The following BICDL1 variants were observed in gnomAD, a reference collection of about 807,000 sequenced individuals.
BICDL1 encodes BICD family like cargo adaptor 1.
In BICDL1, 20 loss-of-function variants were observed where a neutral mutation model predicts 76.8. That is an observed-to-expected ratio of 0.26 (90% CI 0.18 to 0.38). The LOEUF is 0.38. BICDL1 is among the 10% of genes least tolerant of loss of function. BICDL1 has a pLI of 1.00. For synonymous variants in BICDL1, 383 were observed against 337.1 expected (o/e 1.14, Z -1.49); for missense variants, 700 against 798.6 (o/e 0.88, Z 1.49).
At position 120,089,971 on chromosome 12, in the gene BICDL1, A is replaced by G. The variant is rs778764789; in HGVS notation, c.1604A>G (p.Glu535Gly). 1 of 1,614,130 alleles carries G rather than the reference A, an allele frequency of 6.2e-7. No individual in the cohort carries two copies. Among genetic ancestry groups the G allele is most frequent in the South Asian group, 1.1e-5 (1 of 91,088 alleles). ...AIAKKNAVEL[E>G]LAKCRMDMMS... ...CTCAGGAAGAATGCTGTGGAGCTGG[A>G]ACTTGCCAAGTGCAGGATGGATATG... Residue 535 changes from glutamate (E) to glycine (G), a missense_variant, in exon 9 of 10, where the codon GAA becomes GGA. Glu to Gly is a moderately conservative substitution (Grantham distance 98). Around this residue, in one of 3 missense-constraint regions of BICDL1, gnomAD observed 455 missense variants for 548.7 expected, o/e 0.83. Coordinates refer to ENST00000548673, the MANE Select transcript of BICDL1 (RefSeq NM_001367886.1).
intron 8 of BICDL1, among the ~76,000 whole-genome samples, chr12:120,082,209 T>C (rs1187510337): frequency 6.6e-6 from 1 of 152,222 alleles, no homozygotes; most frequent in Non-Finnish European, 1.5e-5. Context: ...TTGCATCCCA[T>C]AGCATCATTT....
At position 120,014,824 on chromosome 12, in the gene BICDL1, A is replaced by G. The variant is rs1594116230; in HGVS notation, c.645+16088A>G. On this transcript the variant is annotated intron_variant, in intron 2 of 9. Coordinates refer to ENST00000548673, the MANE Select transcript of BICDL1 (RefSeq NM_001367886.1). ...CCCTGGGCAACATGGTGAGACTCCCATCTCTAAAAAAAAATTAAAAAATAA... is the reference window on the plus strand; with the variant it reads ...CCCTGGGCAACATGGTGAGACTCCCGTCTCTAAAAAAAAATTAAAAAATAA... Among the ~76,000 whole-genome samples, 5 of 152,190 alleles carry G rather than the reference A, an allele frequency of 3.3e-5. No homozygotes were observed. The South Asian group carries it at 1.0e-3, about 32-fold the overall frequency.
intron 2 of BICDL1, among the ~76,000 whole-genome samples, chr12:120,011,756 A>G (rs10849735): frequency 0.22 from 33,319 of 152,082 alleles, 3,929 homozygotes; most frequent in East Asian, 0.4. Flanking sequence ...TTTACATAAT[A>G]GAGGTTTTTT....
intron 2 of BICDL1, among the ~76,000 whole-genome samples, chr12:120,052,836 A>G (rs531410787): frequency 6.6e-5 from 10 of 152,284 alleles, no homozygotes; most frequent in East Asian, 1.9e-4. Flanking sequence ...GCAGGGCACA[A>G]TCTTGGCTCA....
At chr12:120,051,380 A>G (rs1368583072) in intron 2 of BICDL1, among the ~76,000 whole-genome samples, 1 of 152,196 alleles carries the variant, frequency 6.6e-6, no homozygotes, top group Non-Finnish European at 1.5e-5. Flanking sequence ...ATTTCTCTAA[A>G]CATAGCAGCG....
intron 2 of BICDL1, among the ~76,000 whole-genome samples, chr12:120,016,018 C>T (rs904925701): frequency 2.6e-5 from 4 of 152,136 alleles, no homozygotes; most frequent in African/African-American, 9.7e-5. Context: ...TTTCTGCTAC[C>T]CCAAAAAGTT....
chr12:120,006,374 T>C (rs575494891), intron 2 of BICDL1, among the ~76,000 whole-genome samples: 9 of 152,358 alleles, frequency 5.9e-5, no homozygotes, highest in East Asian at 1.9e-4. Context: ...CAAATACTTA[T>C]AATGTGCACC....
intron 2 of BICDL1, among the ~76,000 whole-genome samples, chr12:120,036,208 T>C (rs1386594806): frequency 6.6e-6 from 1 of 152,204 alleles, no homozygotes; most frequent in Non-Finnish European, 1.5e-5. Flanking sequence ...CCTAGGGAAT[T>C]GCTGGGTATG....
chr12:120,056,731 G>T (rs557208428), intron 2 of BICDL1, among the ~76,000 whole-genome samples: 2 of 151,792 alleles, frequency 1.3e-5, no homozygotes, highest in East Asian at 3.9e-4. Flanking sequence ...AAAAAAAAAA[G>T]TGAAAGAGAA....
intron 2 of BICDL1, among the ~76,000 whole-genome samples, chr12:120,045,695 C>T (rs988236442): frequency 1.2e-4 from 18 of 147,734 alleles, no homozygotes; most frequent in African/African-American, 4.5e-4. Flanking sequence ...CGCATATTCT[C>T]ACTCATAGGT....
At chr12:120,001,658 C>T (rs1466092938) in intron 2 of BICDL1, among the ~76,000 whole-genome samples, 4 of 152,206 alleles carry the variant, frequency 2.6e-5, no homozygotes, top group Non-Finnish European at 5.9e-5. Flanking sequence ...TTACATACAT[C>T]TCATTGGCTT....
At chr12:120,047,184 C>A (rs1192595039) in intron 2 of BICDL1, among the ~76,000 whole-genome samples, 1 of 152,066 alleles carries the variant, frequency 6.6e-6, no homozygotes, top group Non-Finnish European at 1.5e-5. Flanking sequence ...TTTATACATG[C>A]CTTCTATAAA....
At chr12:120,065,082 C>G (rs1953191384) in intron 4 of BICDL1, among the ~76,000 whole-genome samples, 1 of 152,238 alleles carries the variant, frequency 6.6e-6, no homozygotes, top group African/African-American at 2.4e-5. Flanking sequence ...ACCCACAGAT[C>G]ATTTCTACAA....
chr12:120,060,301 T>C (rs1953076859), intron 2 of BICDL1, among the ~76,000 whole-genome samples: 1 of 152,178 alleles, frequency 6.6e-6, no homozygotes, highest in African/African-American at 2.4e-5. Context: ...ATAGGGAAAA[T>C]ATTCCCAGGA....
chr12:120,050,500 C>T (rs895322809), intron 2 of BICDL1, among the ~76,000 whole-genome samples: 2 of 152,094 alleles, frequency 1.3e-5, no homozygotes, highest in Non-Finnish European at 2.9e-5. Context: ...ATCTCCTGAC[C>T]TCGTGATCCA....
chr12:120,051,717 T>A (rs2138855143), intron 2 of BICDL1, among the ~76,000 whole-genome samples: 1 of 152,326 alleles, frequency 6.6e-6, no homozygotes, highest in Non-Finnish European at 1.5e-5. Flanking sequence ...CTCCCCCTAA[T>A]GTTAACATCT....
intron 1 of BICDL1, among the ~76,000 whole-genome samples, chr12:119,998,036 C>T (rs966821311): frequency 6.6e-6 from 1 of 152,118 alleles, no homozygotes; most frequent in Admixed American, 6.5e-5. Context: ...ATTGCTTGAA[C>T]CTGAGAGGCG....
intron 2 of BICDL1, among the ~76,000 whole-genome samples, chr12:120,025,207 C>T (rs1437921558): frequency 2.0e-5 from 3 of 152,004 alleles, no homozygotes; most frequent in African/African-American, 4.8e-5. Flanking sequence ...CCCGCCACCT[C>T]GCCCGGCTAA....
At chr12:120,041,762 A>C (rs1283017808) in intron 2 of BICDL1, among the ~76,000 whole-genome samples, 2 of 152,170 alleles carry the variant, frequency 1.3e-5, no homozygotes, top group East Asian at 1.9e-4. Flanking sequence ...AATCATATGC[A>C]CAGATTTTGA....
Sources: allele counts gnomAD v4.1 joint callset (sites outside exome capture counted in the v4.1 genomes callset), GRCh38; gene constraint gnomAD v4.1.1; regional missense constraint gnomAD v4.1.1; transcripts MANE v1.5; gene names NCBI Gene and HGNC (gene_info 2026-07-23, HGNC 2026-07-21).